Variants in LCORL observed in about 807,000 individuals in gnomAD.
LCORL encodes ligand-dependent nuclear receptor corepressor-like protein.
Under a neutral mutation model 141.8 loss-of-function variants are expected in LCORL, and 41 were observed. The observed-to-expected ratio is 0.29, with a 90% confidence interval of 0.23 to 0.38. LCORL has a LOEUF of 0.38. LCORL is among the 10% of genes least tolerant of loss of function. The pLI is 1.00. For synonymous variants in LCORL, 618 were observed against 694.1 expected (o/e 0.89, Z 1.72); for missense variants, 1,759 against 2,035.0 (o/e 0.86, Z 2.61).
chr4:17,947,055 C>CA (rs1239563585), intron 4 of LCORL, among the ~76,000 whole-genome samples: 1 of 151,992 alleles, frequency 6.6e-6, no homozygotes, highest in Non-Finnish European at 1.5e-5. Flanking sequence ...AAAATGTCTA[C>CA]ACTCCCATGT....
chr4:17,885,132 T>G lies in LCORL; in HGVS notation c.776+936A>C, dbSNP rs772855549. On this transcript the variant is annotated intron_variant, in intron 6 of 7. Transcript: ENST00000635767. ...ACCCAAATCCTAAAGGAGTTTTTGT[T>G]AGTACAAACGTGACGTTACCGCTAA... Among the ~76,000 whole-genome samples, 38 of 152,044 alleles carry G rather than the reference T, an allele frequency of 2.5e-4. 1 individual carries two copies. The South Asian group carries it at 4.3e-3, about 17-fold the overall frequency.
chr4:17,848,983 C>T (rs1300856936), intron 7 of LCORL, among the ~76,000 whole-genome samples: 3 of 152,210 alleles, frequency 2.0e-5, no homozygotes, highest in Admixed American at 1.3e-4. Flanking sequence ...GGGGGAGGGG[C>T]GCCCACCATT....
chr4:17,923,315 A>G (rs1734591354), intron 4 of LCORL, among the ~76,000 whole-genome samples: 1 of 152,166 alleles, frequency 6.6e-6, no homozygotes, highest in Non-Finnish European at 1.5e-5. Context: ...AAAGGTTCTA[A>G]TAGTTTATTT....
intron 1 of LCORL, among the ~76,000 whole-genome samples, chr4:17,987,509 T>C (rs1189515003): frequency 6.6e-6 from 1 of 152,192 alleles, no homozygotes; most frequent in African/African-American, 2.4e-5. Flanking sequence ...TGAATAACAC[T>C]ACTATGAAAT....
intron 4 of LCORL, among the ~76,000 whole-genome samples, chr4:17,947,480 T>C (rs1175560926): frequency 6.6e-6 from 1 of 151,852 alleles, no homozygotes; most frequent in East Asian, 1.9e-4. Context: ...TTTTTTTAGA[T>C]TTATTGCACA....
intron 5 of LCORL, among the ~76,000 whole-genome samples, chr4:17,903,603 C>G (rs1731189510): frequency 6.6e-6 from 1 of 152,100 alleles, no homozygotes; most frequent in Admixed American, 6.5e-5. Flanking sequence ...CCTCACCCTT[C>G]TACCACTTTC....
chr4:17,905,405 A>G (rs764348251), intron 5 of LCORL, among the ~76,000 whole-genome samples: 3 of 151,990 alleles, frequency 2.0e-5, no homozygotes, highest in Non-Finnish European at 4.4e-5. Flanking sequence ...ATTATTTATT[A>G]TGTTCTTATA....
intron 4 of LCORL, among the ~76,000 whole-genome samples, chr4:17,925,878 CAAAAAAAA>C (rs71167343): frequency 2.1e-5 from 2 of 96,630 alleles, no homozygotes; most frequent in Non-Finnish European, 3.8e-5. Flanking sequence ...GATTCCATCT[CAAAAAAAA>C]AAAAAAAAAA....
At chr4:17,996,647 T>C (rs1039350461) in intron 1 of LCORL, among the ~76,000 whole-genome samples, 3 of 151,978 alleles carry the variant, frequency 2.0e-5, no homozygotes. Context: ...TACACTATAT[T>C]CCTCTGTAAA....
At chr4:17,880,821 A>G (rs1727468349) in intron 6 of LCORL, 2 of 877,976 alleles carry the variant, frequency 2.3e-6, no homozygotes, top group African/African-American at 1.8e-5. Context: ...AGACAGATAC[A>G]TGAATTCATT....
intron 2 of LCORL, among the ~76,000 whole-genome samples, chr4:17,970,954 C>T (rs369199317): frequency 6.6e-6 from 1 of 152,052 alleles, no homozygotes. Context: ...TCCACACTAG[C>T]ATTACACATA....
chr4:17,954,150 G>A (rs139340954), intron 4 of LCORL, among the ~76,000 whole-genome samples: 268 of 152,134 alleles, frequency 1.8e-3, no homozygotes, highest in African/African-American at 6.2e-3. Flanking sequence ...GCAACAGAAC[G>A]AGACTCCATC....
intron 1 of LCORL, among the ~76,000 whole-genome samples, chr4:17,984,447 C>T (rs1439932409): frequency 6.6e-6 from 1 of 152,050 alleles, no homozygotes; most frequent in Non-Finnish European, 1.5e-5. Flanking sequence ...AATTTAGGAG[C>T]TCATTATTGG....
chr4:17,875,233 C>T (rs1577302724), exon 7 of LCORL: 1 of 1,231,638 alleles, frequency 8.1e-7, no homozygotes, highest in South Asian at 4.1e-5. Flanking sequence ...GAGATTTTCA[C>T]TTTTGCCGGT....
chr4:17,860,221 A>G (rs1465097289), intron 7 of LCORL, among the ~76,000 whole-genome samples: 1 of 152,200 alleles, frequency 6.6e-6, no homozygotes, highest in African/African-American at 2.4e-5. Context: ...CTACGAGGCT[A>G]CTGTATTAGT....
At chr4:17,992,023 A>C (rs1577666556) in intron 1 of LCORL, among the ~76,000 whole-genome samples, 1 of 152,204 alleles carries the variant, frequency 6.6e-6, no homozygotes, top group Non-Finnish European at 1.5e-5. Flanking sequence ...ATCATACTAT[A>C]AACTTCAGAG....
intron 7 of LCORL, among the ~76,000 whole-genome samples, chr4:17,849,861 C>A (rs553551537): frequency 1.3e-5 from 2 of 150,988 alleles, no homozygotes; most frequent in Non-Finnish European, 3.0e-5. Context: ...GGAGGCATCA[C>A]GCTACCTGAC....
At chr4:17,994,978 C>T (rs901315536) in intron 1 of LCORL, among the ~76,000 whole-genome samples, 3 of 152,040 alleles carry the variant, frequency 2.0e-5, no homozygotes, top group African/African-American at 2.4e-5. Flanking sequence ...AGCTATTCAT[C>T]CTCAAAACAA....
chr4:17,854,512 A>ATT (rs1724130460), intron 7 of LCORL, among the ~76,000 whole-genome samples: 1 of 152,160 alleles, frequency 6.6e-6, no homozygotes, highest in African/African-American at 2.4e-5. Flanking sequence ...TAAAGATTAA[A>ATT]TTTGTGTAGA....
Sources: gnomAD v4.1 joint callset for allele counts (sites outside exome capture counted in the v4.1 genomes callset) on GRCh38, gnomAD v4.1.1 for gene constraint, MANE v1.5 for transcripts, NCBI Gene and HGNC (gene_info 2026-07-23, HGNC 2026-07-21) for gene names.